The following CD81 variants were observed in gnomAD, a reference collection of about 807,000 sequenced individuals.
CD81 encodes the protein CD81 antigen.
A neutral mutation model predicts 30.1 loss-of-function variants in CD81; 10 were observed. The observed-to-expected ratio is 0.33, with a 90% CI of 0.21 to 0.56. CD81 has a LOEUF of 0.56. CD81 is among the 20% of genes least tolerant of loss of function. CD81 has a pLI of 0.89. For synonymous variants in CD81, 147 were observed against 126.4 expected, an observed-to-expected ratio of 1.16 and a Z score of -1.10; for missense variants, 263 against 308.7, an observed-to-expected ratio of 0.85 and a Z score of 1.11.
intron 2 of CD81, chr11:2,393,821 C>T (rs1849946698): frequency 1.6e-6 from 1 of 634,186 alleles, no homozygotes. Flanking sequence ...CCCTGCGAAG[C>T]ACCTGTCGCC....
intron 2 of CD81, chr11:2,392,264 G>A (rs1564993929): frequency 6.6e-6 from 1 of 152,364 alleles, no homozygotes; most frequent in Non-Finnish European, 1.5e-5. Flanking sequence ...AGGAGCTGAA[G>A]GGTCACTTAG....
chr11:2,379,917 G>C (rs538982609), intron 1 of CD81, among the ~76,000 whole-genome samples: 1 of 152,152 alleles, frequency 6.6e-6, no homozygotes, highest in African/African-American at 2.4e-5. Context: ...CCCTGGTGTC[G>C]CAGGGTGTGT....
intron 1 of CD81, among the ~76,000 whole-genome samples, chr11:2,382,107 G>GGT (rs1400243491): frequency 2.6e-5 from 4 of 152,352 alleles, no homozygotes; most frequent in African/African-American, 9.6e-5. Flanking sequence ...CACGCCCAAG[G>GGT]GTGTGGAAGG....
At chr11:2,395,306 C>G in intron 4 of CD81, 110 bp from the exon 5 acceptor site, 1 of 906,402 alleles carries the variant, frequency 1.1e-6, no homozygotes. Flanking sequence ...AGCCTCGAAG[C>G]CACCCTGCCC....
rs559300491 is a variant in CD81 at position 2,397,392 on chromosome 11, A to G, written c.*526A>G. 9.9e-6 allele frequency: 2 copies of G among 202,672 alleles called. No individual in the cohort carries two copies. The highest frequency in any genetic ancestry group is 1.6e-4 in the South Asian group (2 of 12,824). The allele number at this position is 202,672 out of a possible 1,614,324, so 12.6% of individuals were successfully genotyped here. A position where few individuals can be genotyped will look rare whatever the true frequency, so the allele number is the denominator to read the frequency against. On this transcript the variant is annotated 3_prime_UTR_variant, in exon 8 of 8. Coordinates refer to ENST00000263645, the MANE Select transcript of CD81 (RefSeq NM_004356.4). ...ATTTAATAAAGAAGGAACATCAGGC[A>G]TGCTACCAGGCCTGTGCAGTCCCTC... is the stretch of plus-strand genomic sequence containing the variant.
chr11:2,385,222 A>G lies in CD81; in HGVS notation c.67-5190A>G, dbSNP rs1849770220. On this transcript the variant is annotated intron_variant, in intron 1 of 7. Transcript: ENST00000263645. ...AAACAGCTTTATTTAGACGTGATTG[A>G]CACACAGTAAATACAGATGTTTAAG... 2.0e-5 allele frequency among the ~76,000 whole-genome samples: 3 copies of G among 152,128 alleles called. No homozygotes were observed. The South Asian group carries it at 6.2e-4, about 31-fold the overall frequency.
At chr11:2,395,082 T>G (rs1589853684) in intron 4 of CD81, 36 bp downstream of exon 4, 4 of 1,516,020 alleles carry the variant, frequency 2.6e-6, no homozygotes, top group South Asian at 1.1e-5. Context: ...GTGGGGTGGG[T>G]GACGGGGGCA....
chr11:2,390,464 A>G lies in CD81; in HGVS notation c.119A>G (p.Gln40Arg), dbSNP rs1438014764. ...GCCCTGTGGCTCCGCCATGACCCGCAGACCACCAACCTCCTGTATCTGGAG... is the reference window on the plus strand; with the variant it reads ...GCCCTGTGGCTCCGCCATGACCCGCGGACCACCAACCTCCTGTATCTGGAG... ...GVALWLRHDPQTTNLLYLELG... is the reference protein window; with the variant it reads ...GVALWLRHDPRTTNLLYLELG... Residue 40 changes from glutamine (Q) to arginine (R), a missense_variant, in exon 2 of 8, where the codon CAG (glutamine) becomes CGG (arginine). Physicochemically the swap from Gln to Arg is conservative, Grantham distance 43. This residue lies in a region of CD81 where 84 missense variants were observed against 98.2 expected (regional missense o/e 0.86). Transcript: ENST00000263645. The G allele has an allele frequency of 2.4e-5, 38 of 1,612,854 alleles. No individual in the cohort carries two copies. The highest frequency in any genetic ancestry group is 3.1e-5 in the Non-Finnish European group (37 of 1,180,014).
At chr11:2,395,785 C>T in intron 5 of CD81, 84 bp from the exon 6 acceptor site, 1 of 929,264 alleles carries the variant, frequency 1.1e-6, no homozygotes, top group Non-Finnish European at 1.8e-6. Flanking sequence ...GCTGCGTACC[C>T]CTGGCCACCT....
intron 1 of CD81, chr11:2,386,323 C>T (rs1367138987): frequency 4.8e-6 from 3 of 626,420 alleles, no homozygotes; most frequent in African/African-American, 3.7e-5. Context: ...AGGCTCTGCC[C>T]CAGGTCTTTC....
chr11:2,394,241 C>T (rs528954785), intron 3 of CD81, 49 bp downstream of exon 3: 39 of 1,312,092 alleles, frequency 3.0e-5, no homozygotes, highest in Middle Eastern at 2.5e-4. Context: ...GGGCTGGGGG[C>T]TGCGTCTGGC....
At chr11:2,390,285 A>T in intron 1 of CD81, 127 bp from the exon 2 acceptor site, 1 of 796,832 alleles carries the variant, frequency 1.3e-6, no homozygotes, top group Non-Finnish European at 2.2e-6. Flanking sequence ...CCAGCAGCAG[A>T]GCTGACACCT....
intron 2 of CD81, chr11:2,391,190 C>T: frequency 1.2e-5 from 2 of 164,422 alleles, no homozygotes; most frequent in Non-Finnish European, 2.7e-5. Flanking sequence ...AGGGCTGGTG[C>T]TGGTGGGGCT....
intron 1 of CD81, among the ~76,000 whole-genome samples, chr11:2,382,304 A>AGCCT (rs1849718387): frequency 6.6e-6 from 1 of 152,228 alleles, no homozygotes; most frequent in Non-Finnish European, 1.5e-5. Flanking sequence ...AGAGCTTGTA[A>AGCCT]GCGCCTCTCT....
chr11:2,395,625 G>A, intron 5 of CD81, 105 bp downstream of exon 5: 2 of 920,066 alleles, frequency 2.2e-6, no homozygotes, highest in Admixed American at 2.0e-5. Flanking sequence ...AGGAGCAGGA[G>A]GTGCCCTTGG....
At chr11:2,382,826 C>T (rs531216404) in intron 1 of CD81, among the ~76,000 whole-genome samples, 1 of 152,334 alleles carries the variant, frequency 6.6e-6, no homozygotes, top group South Asian at 2.1e-4. Flanking sequence ...CCGATGGGGG[C>T]CCAGAACAGT....
chr11:2,379,958 C>T (rs1477258467), intron 1 of CD81, among the ~76,000 whole-genome samples: 1 of 152,170 alleles, frequency 6.6e-6, no homozygotes. Flanking sequence ...GGGCTTGGGC[C>T]TCCTTGGTGG....
Position 2,396,501 on chromosome 11 carries a change from G to C in CD81, c.562-127G>C, listed in dbSNP as rs375859224. 4.7e-5 allele frequency: 40 copies of C among 849,366 alleles called. 2 individuals carry two copies. Among genetic ancestry groups the C allele is most frequent in the South Asian group, 1.6e-4 (12 of 73,830 alleles). 52.6% of individuals were successfully genotyped at this position (849,366 alleles called of 1,614,324 possible). ...CACCCGCCTGTTCCGAGGTGGGTAG[G>C]GGGTGGGGGGCTGTTCCCAGGATTC... On this transcript the variant is annotated intron_variant, in intron 6 of 7. Coordinates refer to ENST00000263645, the MANE Select transcript of CD81 (RefSeq NM_004356.4).
chr11:2,381,056 G>T (rs901026804), intron 1 of CD81, among the ~76,000 whole-genome samples: 3 of 152,240 alleles, frequency 2.0e-5, no homozygotes, highest in African/African-American at 7.2e-5. Flanking sequence ...CCTGGCAGGC[G>T]CTGTGGGGGA....
Sources: allele counts gnomAD v4.1 joint callset (sites outside exome capture counted in the v4.1 genomes callset), GRCh38; gene constraint gnomAD v4.1.1; regional missense constraint gnomAD v4.1.1; transcripts MANE v1.5; gene names NCBI Gene and HGNC (gene_info 2026-07-23, HGNC 2026-07-21).